The following FAM234A variants were observed in gnomAD, a reference collection of about 807,000 sequenced individuals.
FAM234A encodes the protein protein FAM234A.
FAM234A carries 42 observed loss-of-function variants against 49.1 expected under a neutral mutation model. The ratio of observed to expected loss-of-function variants is 0.86; its 90% CI spans 0.67 to 1.11. The LOEUF is 1.11. Ranked by LOEUF, FAM234A falls within the 50% of genes least tolerant of loss-of-function variation. FAM234A has a pLI of 0.00. For synonymous variants in FAM234A, 369 were observed against 316.2 expected, an observed-to-expected ratio of 1.17 and a Z score of -1.77; for missense variants, 815 against 745.2, an observed-to-expected ratio of 1.09 and a Z score of -1.09.
At chr16:258,296 C>CTGCGGCCTTCCGCAGTGTT in intron 3 of FAM234A, among the ~76,000 whole-genome samples, 1 of 152,252 alleles carries the variant, frequency 6.6e-6, no homozygotes, top group East Asian at 1.9e-4. Flanking sequence ...GCAGAGGTCC[C>CTGCGGCCTTCCGCAGTGTT]TGCGGCCTTC....
At chr16:256,773 G>A (rs746065702) in intron 3 of FAM234A, among the ~76,000 whole-genome samples, 6 of 141,956 alleles carry the variant, frequency 4.2e-5, no homozygotes, top group East Asian at 4.1e-4. Context: ...ACAGAGTTTC[G>A]CTCTTGTTTC....
chr16:263,534 C>T lies in FAM234A; in HGVS notation c.1112+132C>T, dbSNP rs886702179. The T allele has an allele frequency of 5.8e-6, 8 of 1,374,210 alleles. No homozygotes were observed. In the African/African-American group the frequency reaches 1.0e-4, roughly 17 times the overall value. 85.1% of individuals were successfully genotyped at this position (1,374,210 alleles called of 1,614,324 possible). On this transcript the variant is annotated intron_variant, in intron 9 of 12. Coordinates refer to ENST00000399932, the MANE Select transcript of FAM234A (RefSeq NM_032039.4). ...CGTGTGCTGCTGCCCGGGCTTCTTG[C>T]CTGTCTCTGGTACTTGCCCCTTGCC...
rs922899675 is a variant in FAM234A, at chr16:235,648, C to T, written c.-140+791C>T. Among the ~76,000 whole-genome samples, 4 of 152,118 alleles carry T rather than the reference C, an allele frequency of 2.6e-5. No homozygotes were observed. In the South Asian group the frequency reaches 8.3e-4, roughly 32 times the overall value. On this transcript the variant is annotated intron_variant, in intron 1 of 12. Transcript: ENST00000399932. ...GTACTGGCTGCCGGTGTCTTTACGG[C>T]GCCAGCATCAGATTACACTACTTCC...
rs2051647672 is a variant in FAM234A, at chr16:265,114, C to G, written c.*92C>G. On this transcript the variant is annotated 3_prime_UTR_variant, in exon 13 of 13. Transcript: ENST00000399932. ...CCTTCCCTGGGTCTCTGCACTGACT[C>G]CCCCACTCCTGACCCTGGTGATGGT... 1 of 1,490,086 alleles carries G rather than the reference C, an allele frequency of 6.7e-7. No individual in the cohort carries two copies. The highest frequency in any genetic ancestry group is 1.4e-5 in the African/African-American group (1 of 71,778). 92.3% of individuals were successfully genotyped at this position (1,490,086 alleles called of 1,614,324 possible). A position where few individuals can be genotyped will look rare whatever the true frequency, so the allele number is the denominator to read the frequency against.
In FAM234A at chr16:265,522, CAG is replaced by C. The variant is rs2141382171; in HGVS notation, c.*501_*502del. On this transcript the variant is annotated 3_prime_UTR_variant, in exon 13 of 13. Coordinates refer to ENST00000399932, the MANE Select transcript of FAM234A (RefSeq NM_032039.4). ...CTGTCCCCCAAGGAGTCATGGAACT[CAG>C]GGTACTGGGCCTCAACGGGAACCTG... 2 of 986,828 alleles carry C rather than the reference CAG, an allele frequency of 2.0e-6. No individual in the cohort carries two copies. Among genetic ancestry groups the C allele is most frequent in the African/African-American group, 1.7e-5 (1 of 57,370 alleles). 61.1% of individuals were successfully genotyped at this position (986,828 alleles called of 1,614,324 possible). A position where few individuals can be genotyped will look rare whatever the true frequency, so the allele number is the denominator to read the frequency against.
chr16:264,867 G>C lies in FAM234A; in HGVS notation c.1504G>C (p.Asp502His), dbSNP rs199753598. The C allele has an allele frequency of 6.2e-7, 1 of 1,612,490 alleles. No homozygotes were observed. The highest frequency in any genetic ancestry group is 8.5e-7 in the Non-Finnish European group (1 of 1,179,956). ...CTACATCCTTCTGACAGGCCCGGCA[G>C]ACTCAGAGGCACCCGGCCTGGTCTC... ...AAYILLTGPA[D>H]SEAPGLVSVI... Residue 502 changes from aspartate (D) to histidine (H), a missense_variant, in exon 13 of 13, where the codon GAC (aspartate) becomes CAC (histidine). Coordinates refer to ENST00000399932, the MANE Select transcript of FAM234A (RefSeq NM_032039.4).
chr16:249,499 C>G (rs1417554138), intron 1 of FAM234A, 50 bp from the exon 2 acceptor site: 1 of 152,038 alleles, frequency 6.6e-6, no homozygotes, highest in East Asian at 1.9e-4. Flanking sequence ...GACCTGCCAC[C>G]TTCGCAGGCT....
rs558426095 is a variant in FAM234A at position 260,612 on chromosome 16, C to T, written c.577+452C>T. Reference sequence around the variant, plus strand: ...GTCTCCGAGCCCCAGCGGAGCCGGCCTCGTGGAAGGACGAGGGAAAGAATG... The same window carrying T: ...GTCTCCGAGCCCCAGCGGAGCCGGCTTCGTGGAAGGACGAGGGAAAGAATG... On this transcript the variant is annotated intron_variant, in intron 5 of 12. Coordinates refer to ENST00000399932, the MANE Select transcript of FAM234A (RefSeq NM_032039.4). 1.5e-4 allele frequency: 69 copies of T among 474,278 alleles called. 1 individual carries two copies. Among genetic ancestry groups the T allele is most frequent in the South Asian group, 4.6e-4 (30 of 64,594 alleles). The allele number at this position is 474,278 out of a possible 1,614,324, so 29.4% of individuals were successfully genotyped here. A position where few individuals can be genotyped will look rare whatever the true frequency, so the allele number is the denominator to read the frequency against.
rs187931679 is a variant in FAM234A at position 263,872 on chromosome 16, G to T, written c.1188+97G>T. On this transcript the variant is annotated intron_variant, in intron 10 of 12. Transcript: ENST00000399932. ...GGCTGCGGCCCAGGAGGCTGCTGCC[G>T]TCAGAGCTGCTGAGAAGGTTCTGCC... The T allele has an allele frequency of 9.3e-6, 13 of 1,394,840 alleles. No homozygotes were observed. The African/African-American group carries it at 1.7e-4, about 18-fold the overall frequency. The allele number at this position is 1,394,840 out of a possible 1,614,324, so 86.4% of individuals were successfully genotyped here. A position where few individuals can be genotyped will look rare whatever the true frequency, so the allele number is the denominator to read the frequency against.
At chr16:238,809 G>A (rs1022755920) in intron 1 of FAM234A, among the ~76,000 whole-genome samples, 1 of 145,858 alleles carries the variant, frequency 6.9e-6, no homozygotes, top group South Asian at 2.2e-4. Flanking sequence ...CCCTGGCTGG[G>A]CGTGGTGGCT....
At chr16:262,314 G>T in intron 7 of FAM234A, 89 bp downstream of exon 7, 1 of 1,573,554 alleles carries the variant, frequency 6.4e-7, no homozygotes, top group Non-Finnish European at 8.6e-7. Flanking sequence ...TGCTCTCGAG[G>T]TGCTGGAGTC....
At position 255,788 on chromosome 16, in the gene FAM234A, C is replaced by T. The variant is rs573800478; in HGVS notation, c.268+1107C>T. ...AAGTGATTCTCCTGCCCCAGCCTCC[C>T]GAGTAGCTGGGATTGCAGGCATGCA... On this transcript the variant is annotated intron_variant, in intron 3 of 12. Coordinates refer to ENST00000399932, the MANE Select transcript of FAM234A (RefSeq NM_032039.4). 3.1e-4 allele frequency among the ~76,000 whole-genome samples: 47 copies of T among 152,240 alleles called. 1 individual carries two copies. The highest frequency in any genetic ancestry group is 1.1e-3 in the African/African-American group (45 of 41,552).
intron 2 of FAM234A, among the ~76,000 whole-genome samples, chr16:253,160 G>A (rs2051088184): frequency 6.6e-6 from 1 of 152,124 alleles, no homozygotes; most frequent in Non-Finnish European, 1.5e-5. Flanking sequence ...GTTCAAATGT[G>A]TTTTCCGTTT....
intron 9 of FAM234A, 34 bp from the exon 10 acceptor site, chr16:263,666 A>G (rs1274383686): frequency 6.5e-7 from 1 of 1,536,510 alleles, no homozygotes; most frequent in Non-Finnish European, 9.0e-7. Context: ...CCTCACTGAG[A>G]CCCCTCGTGA....
Position 240,653 on chromosome 16 carries a change from C to T in FAM234A, c.-140+5796C>T, listed in dbSNP as rs1277839588. Among the ~76,000 whole-genome samples, 6 of 152,216 alleles carry T rather than the reference C, an allele frequency of 3.9e-5. No individual in the cohort carries two copies. The South Asian group carries it at 1.0e-3, about 26-fold the overall frequency. On this transcript the variant is annotated intron_variant, in intron 1 of 12. Coordinates refer to ENST00000399932, the MANE Select transcript of FAM234A (RefSeq NM_032039.4). ...TAGTAGCTGGGACTACAGGCGCGTG[C>T]CACCACGCCGGCTAATTTTTGTACT... is the stretch of plus-strand genomic sequence containing the variant.
chr16:236,349 G>A (rs1457907365), intron 1 of FAM234A, among the ~76,000 whole-genome samples: 2 of 152,046 alleles, frequency 1.3e-5, no homozygotes, highest in African/African-American at 2.4e-5. Flanking sequence ...TTTTGGGTGG[G>A]CGCAGTGGCT....
At chr16:266,354 C>T (rs1231603397), downstream of FAM234A, among the ~76,000 whole-genome samples, 1 of 152,242 alleles carries the variant, frequency 6.6e-6, no homozygotes, top group Admixed American at 6.5e-5. Flanking sequence ...ACCCTGGCCC[C>T]ATGCAAGCGG....
chr16:237,361 G>A (rs1421788725), intron 1 of FAM234A, among the ~76,000 whole-genome samples: 1 of 152,282 alleles, frequency 6.6e-6, no homozygotes, highest in African/African-American at 2.4e-5. Context: ...TTATCTGGGT[G>A]ATTATGACTT....
At chr16:248,586 A>G (rs959054274) in intron 1 of FAM234A, among the ~76,000 whole-genome samples, 9 of 151,944 alleles carry the variant, frequency 5.9e-5, no homozygotes, top group Non-Finnish European at 1.2e-4. Flanking sequence ...TGGGAGCCAC[A>G]AGATGAAAGG....
Sources: gnomAD v4.1 joint callset for allele counts (sites outside exome capture counted in the v4.1 genomes callset) on GRCh38, gnomAD v4.1.1 for gene constraint, MANE v1.5 for transcripts, NCBI Gene and HGNC (gene_info 2026-07-23, HGNC 2026-07-21) for gene names.